Variants in ADSS1 observed in about 807,000 individuals in gnomAD.
The protein encoded by ADSS1 is adenylosuccinate synthase 1, also known as adenylosuccinate synthetase isozyme 1.
ADSS1 carries 57 observed loss-of-function variants against 59.1 expected under a neutral mutation model. The observed-to-expected ratio is 0.97, with a 90% CI of 0.78 to 1.20. ADSS1 has a LOEUF of 1.20. Ranked by LOEUF, ADSS1 falls within the 50% of genes most tolerant of loss-of-function variation. ADSS1 has a pLI of 0.00. For missense variants in ADSS1, 603 were observed against 610.3 expected (o/e 0.99, Z 0.13); for synonymous variants, 247 against 249.4 (o/e 0.99, Z 0.09).
At chr14:104,724,659 C>T (rs182610436) in intron 1 of ADSS1, among the ~76,000 whole-genome samples, 197 bp downstream of exon 1, 117 of 152,170 alleles carry the variant, frequency 7.7e-4, no homozygotes, top group Non-Finnish European at 1.4e-3. Context: ...CCACACACAC[C>T]GCCCTCCTTC....
chr14:104,734,135 G>A (rs570623237), intron 1 of ADSS1, among the ~76,000 whole-genome samples: 8 of 152,328 alleles, frequency 5.3e-5, no homozygotes, highest in African/African-American at 1.7e-4. Flanking sequence ...GCTGTGAAGC[G>A]GGGCCTCCTG....
chr14:104,740,672 G>T lies in ADSS1; in HGVS notation c.548G>T (p.Cys183Phe), dbSNP rs748520253. 9 of 1,613,942 alleles carry T rather than the reference G, an allele frequency of 5.6e-6. No homozygotes were observed. The South Asian group carries it at 8.8e-5, about 16-fold the overall frequency. ...GCTGCCCGGACAGGCCTCCGCATCT[G>T]CGACCTCCTGTCAGATTTTGATGAG... Reference protein sequence around the residue: ...SKAARTGLRICDLLSDFDEFS... With the variant: ...SKAARTGLRIFDLLSDFDEFS... Residue 183 changes from cysteine to phenylalanine, a missense_variant, in exon 6 of 13, where the codon TGC becomes TTC. Physicochemically the swap from Cys to Phe is radical, Grantham distance 205 (BLOSUM62 -2). Transcript: ENST00000330877. This position sits in a 1 kb window ranked among gnomAD's most constrained non-coding sequence, Gnocchi z 4.8.
chr14:104,728,447 A>G (rs555179273), intron 1 of ADSS1, among the ~76,000 whole-genome samples: 4 of 152,178 alleles, frequency 2.6e-5, no homozygotes, highest in Non-Finnish European at 5.9e-5. Context: ...TCTGTCCCAG[A>G]CCTCACCCCA....
intron 3 of ADSS1, 85 bp downstream of exon 3, chr14:104,738,523 C>G: frequency 6.8e-7 from 1 of 1,478,772 alleles, no homozygotes; most frequent in African/African-American, 1.4e-5. Context: ...GAGGGTTTCT[C>G]CCACGGAGGG....
chr14:104,738,864 G>A (rs775852793), intron 3 of ADSS1, among the ~76,000 whole-genome samples: 3 of 152,206 alleles, frequency 2.0e-5, no homozygotes, highest in African/African-American at 4.8e-5. Flanking sequence ...AGGGACGGAC[G>A]GCAGCCTGAG....
rs552075690 is a variant in ADSS1, at chr14:104,747,084, A to G, written c.*81A>G. On this transcript the variant is annotated 3_prime_UTR_variant, in exon 13 of 13. Transcript: ENST00000330877. ...GCAGCAGTCACGTTCCTCGGCCGCC[A>G]CAACCAACACCAAAGCAGGAAAACC... is the stretch of plus-strand genomic sequence containing the variant. 6.3e-6 allele frequency: 8 copies of G among 1,278,798 alleles called. No individual in the cohort carries two copies. The Admixed American group carries it at 7.9e-5, about 13-fold the overall frequency. 79.2% of individuals were successfully genotyped at this position (1,278,798 alleles called of 1,614,324 possible). A position where few individuals can be genotyped will look rare whatever the true frequency, so the allele number is the denominator to read the frequency against.
At chr14:104,735,769 A>AG (rs1891097413) in intron 2 of ADSS1, among the ~76,000 whole-genome samples, 7 of 151,856 alleles carry the variant, frequency 4.6e-5, no homozygotes, top group Admixed American at 4.6e-4. Context: ...CTCTGTCCCC[A>AG]GGGTTCCGTG....
chr14:104,728,407 G>A (rs1403734082), intron 1 of ADSS1, among the ~76,000 whole-genome samples: 1 of 152,180 alleles, frequency 6.6e-6, no homozygotes, highest in African/African-American at 2.4e-5. Flanking sequence ...GGGCAGCTGA[G>A]ACCTGCACAC....
chr14:104,726,562 T>C (rs764427043), intron 1 of ADSS1, among the ~76,000 whole-genome samples: 1 of 152,188 alleles, frequency 6.6e-6, no homozygotes, highest in Non-Finnish European at 1.5e-5. Flanking sequence ...GTGCACACCA[T>C]GTCTGACCAC....
At chr14:104,737,054 T>TG (rs1891163263) in intron 2 of ADSS1, 3 of 151,722 alleles carry the variant, frequency 2.0e-5, no homozygotes, top group Admixed American at 2.0e-4. Context: ...ACCAGAGCGG[T>TG]GCATTTGTGA....
Position 104,744,191 on chromosome 14 carries a change from C to T in ADSS1, c.1074-621C>T, listed in dbSNP as rs114180349. ...ACGGCTGTGCTGTGGGGAAAGTGCACGTGTGGGGACGGGAGGGGAGAAGTG... is the reference window on the plus strand; with the variant it reads ...ACGGCTGTGCTGTGGGGAAAGTGCATGTGTGGGGACGGGAGGGGAGAAGTG... On this transcript the variant is annotated intron_variant, in intron 10 of 12. Transcript: ENST00000330877. 4.1e-3 allele frequency among the ~76,000 whole-genome samples: 615 copies of T among 151,466 alleles called. 4 individuals carry two copies. The highest frequency in any genetic ancestry group is 0.014 in the African/African-American group (595 of 41,232).
intron 1 of ADSS1, chr14:104,729,940 G>T (rs548942409): frequency 6.4e-7 from 1 of 1,568,076 alleles, no homozygotes; most frequent in South Asian, 1.2e-5. Flanking sequence ...AAGGAGGTGG[G>T]CAGAGGCCCA....
intron 1 of ADSS1, among the ~76,000 whole-genome samples, chr14:104,726,653 G>T (rs901488796): frequency 1.1e-4 from 17 of 152,226 alleles, no homozygotes; most frequent in South Asian, 2.1e-4. Flanking sequence ...GAGTGTGGAT[G>T]CCTGAAGCCA....
rs779468129 is a variant in ADSS1 at position 104,740,738 on chromosome 14, G to T, written c.584+30G>T. On this transcript the variant is annotated intron_variant, in intron 6 of 12. Coordinates refer to ENST00000330877, the MANE Select transcript of ADSS1 (RefSeq NM_152328.5). The surrounding 1 kb of genome is among the most constrained non-coding windows in gnomAD (Gnocchi z 4.8). ...CTGAGCCGTCTGCAGTCCCCGGGGA[G>T]GATGGGGAGAAGTTGCCGGAAGGGA... 3.7e-6 allele frequency: 6 copies of T among 1,613,060 alleles called. No homozygotes were observed. The highest frequency in any genetic ancestry group is 5.1e-6 in the Non-Finnish European group (6 of 1,179,254).
At position 104,740,696 on chromosome 14, in the gene ADSS1, A is replaced by G. The variant is rs1283718395; in HGVS notation, c.572A>G (p.Glu191Gly). Residue 191 changes from glutamate (E) to glycine (G), a missense_variant, in exon 6 of 13, where the codon GAG becomes GGG. By Grantham distance (98) the Glu-to-Gly change is moderately conservative. Coordinates refer to ENST00000330877, the MANE Select transcript of ADSS1 (RefSeq NM_152328.5). The surrounding 1 kb of genome is among the most constrained non-coding windows in gnomAD (Gnocchi z 4.8). ...RICDLLSDFDEFSSRFKNLAH... is the reference protein window; with the variant it reads ...RICDLLSDFDGFSSRFKNLAH... ...TGCGACCTCCTGTCAGATTTTGATGAGTTTTCCTCCAGGTACCTGAGCCGT... is the reference window on the plus strand; with the variant it reads ...TGCGACCTCCTGTCAGATTTTGATGGGTTTTCCTCCAGGTACCTGAGCCGT... 2 of 1,613,604 alleles carry G rather than the reference A, an allele frequency of 1.2e-6. No individual in the cohort carries two copies. Among genetic ancestry groups the G allele is most frequent in the Non-Finnish European group, 8.5e-7 (1 of 1,179,988 alleles).
At chr14:104,726,089 GCCAGGCCACCCCCA>G (rs1890711785) in intron 1 of ADSS1, among the ~76,000 whole-genome samples, 1 of 151,928 alleles carries the variant, frequency 6.6e-6, no homozygotes, top group Non-Finnish European at 1.5e-5. Context: ...GGCTGCCCCC[GCCAGGCCACCCCCA>G]CCAGGCCACC....
chr14:104,731,986 A>G (rs1376657929), intron 1 of ADSS1, among the ~76,000 whole-genome samples: 1 of 152,158 alleles, frequency 6.6e-6, no homozygotes, highest in Non-Finnish European at 1.5e-5. Flanking sequence ...CAAGAGGAGG[A>G]AGCCCTGTGA....
chr14:104,741,041 G>A (rs1471652663), intron 7 of ADSS1, 76 bp from the exon 8 acceptor site: 1 of 1,590,264 alleles, frequency 6.3e-7, no homozygotes, highest in Non-Finnish European at 8.6e-7. Flanking sequence ...GTTATGGGCT[G>A]GCCAACCTTC....
chr14:104,737,754 T>C (rs1179180743), intron 2 of ADSS1: 2 of 152,238 alleles, frequency 1.3e-5, no homozygotes, highest in Admixed American at 6.5e-5. Context: ...TTCCAGGGAC[T>C]TCATATAAGC....
Sources: gnomAD v4.1 joint callset for allele counts (sites outside exome capture counted in the v4.1 genomes callset) on GRCh38, gnomAD v4.1.1 for gene constraint, Gnocchi (gnomAD v3.1) non-coding constraint, MANE v1.5 for transcripts, NCBI Gene and HGNC (gene_info 2026-07-23, HGNC 2026-07-21) for gene names.